SNTG1: variants seen among roughly 807,000 people sequenced by gnomAD.
SNTG1 encodes the protein gamma-1-syntrophin.
SNTG1 carries 39 observed loss-of-function variants against 74.7 expected under a neutral mutation model. The observed-to-expected ratio is 0.52, with a 90% CI of 0.40 to 0.68. The LOEUF is 0.68. SNTG1 is among the 30% of genes least tolerant of loss of function. The pLI, the probability that SNTG1 is intolerant of heterozygous loss-of-function variation, is 0.00. For missense variants in SNTG1, 685 were observed against 609.5 expected (o/e 1.12, Z -1.30); for synonymous variants, 254 against 217.1 (o/e 1.17, Z -1.49).
intron 15 of SNTG1, among the ~76,000 whole-genome samples, chr8:50,664,005 G>A (rs915112994): frequency 2.0e-5 from 3 of 152,034 alleles, no homozygotes; most frequent in Admixed American, 6.6e-5. Flanking sequence ...TCTTGTCCCC[G>A]AACTCTAAGT....
intron 1 of SNTG1, among the ~76,000 whole-genome samples, chr8:49,990,489 C>G (rs1186921413): frequency 6.6e-6 from 1 of 151,884 alleles, no homozygotes; most frequent in Non-Finnish European, 1.5e-5. Flanking sequence ...CCTAAAAGAA[C>G]AATGTTAGAG....
At chr8:50,356,950 G>C (rs1396087118) in intron 2 of SNTG1, among the ~76,000 whole-genome samples, 2 of 152,194 alleles carry the variant, frequency 1.3e-5, no homozygotes, top group Admixed American at 1.3e-4. Flanking sequence ...CAATGAGCTG[G>C]ACATGGGTTC....
intron 17 of SNTG1, among the ~76,000 whole-genome samples, chr8:50,741,392 G>A (rs1477066024): frequency 1.3e-5 from 2 of 151,948 alleles, no homozygotes; most frequent in Non-Finnish European, 2.9e-5. Flanking sequence ...CAAGTGTTGG[G>A]ATTACAGGCA....
chr8:50,716,745 C>G (rs139429507), intron 17 of SNTG1, among the ~76,000 whole-genome samples: 2 of 100,730 alleles, frequency 2.0e-5, no homozygotes, highest in South Asian at 6.7e-4. Flanking sequence ...TTTTTTTTTT[C>G]TTTTTGAAAC....
intron 5 of SNTG1, among the ~76,000 whole-genome samples, chr8:50,443,552 C>A (rs552883139): frequency 6.6e-6 from 1 of 152,192 alleles, no homozygotes; most frequent in African/African-American, 2.4e-5. Context: ...AGTTTCTGAG[C>A]TAAATACTTC....
At chr8:50,735,403 A>G (rs1296248641) in intron 17 of SNTG1, among the ~76,000 whole-genome samples, 1 of 151,956 alleles carries the variant, frequency 6.6e-6, no homozygotes, top group Non-Finnish European at 1.5e-5. Context: ...GCAAACTAGA[A>G]TAGCCAGTTT....
At chr8:50,272,468 C>G (rs184884247) in intron 2 of SNTG1, among the ~76,000 whole-genome samples, 105 of 152,150 alleles carry the variant, frequency 6.9e-4, no homozygotes, top group Non-Finnish European at 1.2e-3. Flanking sequence ...AACAAAGAGA[C>G]CTGGTGCTGT....
At chr8:50,357,149 C>G (rs2091839861) in intron 2 of SNTG1, among the ~76,000 whole-genome samples, 1 of 152,196 alleles carries the variant, frequency 6.6e-6, no homozygotes, top group Non-Finnish European at 1.5e-5. Context: ...TTTCCCACGT[C>G]AGCCATACTC....
intron 12 of SNTG1, among the ~76,000 whole-genome samples, chr8:50,569,226 C>G (rs764173611): frequency 1.3e-5 from 2 of 152,052 alleles, no homozygotes; most frequent in Admixed American, 1.3e-4. Flanking sequence ...TTGCTTAATA[C>G]GGAAGATGTA....
chr8:50,111,272 C>T (rs1009492537), intron 1 of SNTG1, among the ~76,000 whole-genome samples: 2 of 152,110 alleles, frequency 1.3e-5, no homozygotes, highest in African/African-American at 4.8e-5. Flanking sequence ...CTCTACCCCC[C>T]CAATATAATG....
At chr8:50,042,950 T>C (rs1310812936) in intron 1 of SNTG1, among the ~76,000 whole-genome samples, 1 of 152,174 alleles carries the variant, frequency 6.6e-6, no homozygotes, top group Non-Finnish European at 1.5e-5. Context: ...AGATTTTGGC[T>C]TGTGTCCACA....
intron 12 of SNTG1, among the ~76,000 whole-genome samples, chr8:50,562,709 A>G (rs945346144): frequency 6.6e-6 from 1 of 152,236 alleles, no homozygotes; most frequent in Admixed American, 6.5e-5. Context: ...CACTTAATGT[A>G]AAGTTCACAG....
intron 1 of SNTG1, among the ~76,000 whole-genome samples, chr8:49,922,789 A>G (rs560003584): frequency 6.6e-6 from 1 of 152,276 alleles, no homozygotes; most frequent in African/African-American, 2.4e-5. Context: ...TCATGTACTG[A>G]CCATTGCTAT....
intron 4 of SNTG1, among the ~76,000 whole-genome samples, chr8:50,405,384 ATT>A (rs1157789198): frequency 6.6e-6 from 1 of 152,164 alleles, no homozygotes; most frequent in Admixed American, 6.5e-5. Flanking sequence ...TTTCATTTGC[ATT>A]CTCCTGTCAA....
At chr8:50,597,775 C>T (rs2094741507) in intron 13 of SNTG1, among the ~76,000 whole-genome samples, 1 of 151,556 alleles carries the variant, frequency 6.6e-6, no homozygotes, top group African/African-American at 2.4e-5. Flanking sequence ...GAGGTGATAC[C>T]TCATTTTGGT....
At chr8:50,713,013 C>T (rs776705982) in intron 17 of SNTG1, among the ~76,000 whole-genome samples, 5 of 152,144 alleles carry the variant, frequency 3.3e-5, no homozygotes, top group Non-Finnish European at 7.3e-5. Context: ...TGGGTATATA[C>T]CCAGTAATGG....
chr8:50,127,190 G>T (rs1563631906), intron 1 of SNTG1, among the ~76,000 whole-genome samples: 2 of 152,102 alleles, frequency 1.3e-5, no homozygotes, highest in South Asian at 2.1e-4. Flanking sequence ...AGAGCTAGGA[G>T]CTGAGGCTGA....
chr8:50,646,698 G>A (rs959142627), intron 13 of SNTG1, among the ~76,000 whole-genome samples: 3 of 152,032 alleles, frequency 2.0e-5, no homozygotes, highest in Non-Finnish European at 4.4e-5. Flanking sequence ...TTATGATGTA[G>A]ATATATATTA....
intron 12 of SNTG1, among the ~76,000 whole-genome samples, chr8:50,568,252 T>TGTGC (rs1563587348): frequency 7.2e-5 from 11 of 152,062 alleles, no homozygotes; most frequent in African/African-American, 2.4e-4. Context: ...TGTGTGTGTG[T>TGTGC]GCTATCTATT....
Sources: gnomAD v4.1 joint callset for allele counts (sites outside exome capture counted in the v4.1 genomes callset) on GRCh38, gnomAD v4.1.1 for gene constraint, MANE v1.5 for transcripts, NCBI Gene and HGNC (gene_info 2026-07-23, HGNC 2026-07-21) for gene names.